ABCA4: variants seen among roughly 807,000 people sequenced by gnomAD.
The protein encoded by ABCA4 is retinal-specific phospholipid-transporting ATPase ABCA4.
Under a neutral mutation model 263.7 loss-of-function variants are expected in ABCA4, and 196 were observed. The observed-to-expected ratio is 0.74, with a 90% CI of 0.66 to 0.84. ABCA4 has a LOEUF of 0.84. ABCA4 is among the 40% of genes least tolerant of loss of function. The probability of loss-of-function intolerance (pLI) is 0.00; values close to 1 mark genes in which losing one functional copy is unlikely to be tolerated. For missense variants in ABCA4, 2,792 were observed against 2,855.1 expected (o/e 0.98, Z 0.50); for synonymous variants, 1,133 against 1,094.2 (o/e 1.04, Z -0.70).
chr1:94,051,757 C>T (rs754635210), intron 16 of ABCA4, 59 bp from the exon 17 acceptor site: 30 of 1,293,746 alleles, frequency 2.3e-5, no homozygotes, highest in Admixed American at 6.8e-5. Flanking sequence ...CCTACCTTAC[C>T]GCAGTTCTAT....
At chr1:94,002,168 G>T (rs184410095) in intron 44 of ABCA4, among the ~76,000 whole-genome samples, 176 bp from the exon 45 acceptor site, 12 of 152,302 alleles carry the variant, frequency 7.9e-5, no homozygotes, top group African/African-American at 2.9e-4. Context: ...CCAGACAGGG[G>T]CTCTTTCTCT....
At chr1:94,002,554 GA>G (rs1220624939) in intron 44 of ABCA4, among the ~76,000 whole-genome samples, 3 of 152,214 alleles carry the variant, frequency 2.0e-5, no homozygotes, top group Non-Finnish European at 4.4e-5. Context: ...TGCTGTGAGG[GA>G]ACGATGACAG....
chr1:94,097,469 T>C (rs1395623487), intron 6 of ABCA4, among the ~76,000 whole-genome samples: 3 of 152,176 alleles, frequency 2.0e-5, no homozygotes, highest in Admixed American at 2.0e-4. Flanking sequence ...AAGTTCTTAG[T>C]GACTGACATT....
chr1:94,008,638 T>C, intron 41 of ABCA4, 113 bp downstream of exon 41: 1 of 1,473,184 alleles, frequency 6.8e-7, no homozygotes, highest in Non-Finnish European at 9.5e-7. Context: ...TACATAAAAC[T>C]GGGAACCAAA....
At chr1:94,028,948 AT>A (rs1257666066) in intron 30 of ABCA4, among the ~76,000 whole-genome samples, 1 of 146,690 alleles carries the variant, frequency 6.8e-6, no homozygotes, top group Non-Finnish European at 1.5e-5. Context: ...AAACAATGGG[AT>A]AATATACAGA....
intron 1 of ABCA4, among the ~76,000 whole-genome samples, chr1:94,114,167 C>T (rs1325952972): frequency 6.6e-6 from 1 of 152,166 alleles, no homozygotes; most frequent in Admixed American, 6.5e-5. Flanking sequence ...TGTAAATAGG[C>T]TCTCAGCAAA....
intron 11 of ABCA4, among the ~76,000 whole-genome samples, chr1:94,076,007 T>C (rs182061651): frequency 2.6e-5 from 4 of 152,236 alleles, no homozygotes; most frequent in Non-Finnish European, 5.9e-5. Flanking sequence ...AAGAGCTGAG[T>C]GCTGAGTCTC....
Position 94,032,033 on chromosome 1 carries a change from C to T in ABCA4, c.3873G>A (p.Gln1291=), listed in dbSNP as rs1660220880. ...GGGGGTTGACGTTTTCTCTTTTCTG[C>T]TGAGCGCCACCTGTTTTGAGAGATT... The part of the protein sequence containing the change: ...DSGPLFAGGA[Q]QKRENVNPRH... The change falls in exon 27 of 50, where the codon CAG becomes CAA. Residue 1291 remains glutamine, a synonymous_variant. Coordinates refer to ENST00000370225, the MANE Select transcript of ABCA4 (RefSeq NM_000350.3). The T allele has an allele frequency of 6.2e-7, 1 of 1,611,394 alleles. No homozygotes were observed. Among genetic ancestry groups the T allele is most frequent in the Non-Finnish European group, 8.5e-7 (1 of 1,180,004 alleles).
At position 94,062,636 on chromosome 1, in the gene ABCA4, C is replaced by T. The variant is rs61754023; in HGVS notation, c.1878G>A (p.Ala626=). Residue 626 remains alanine, a synonymous_variant, in exon 13 of 50, where the codon GCG becomes GCA. Coordinates refer to ENST00000370225, the MANE Select transcript of ABCA4 (RefSeq NM_000350.3). ...GGAGGTAGATTCCAACTGGAGCCTC[C>T]GCCTGCACCTGGCTCCTTGTGATCC... The part of the protein sequence containing the change: ...EQGITRSQVQ[A]EAPVGIYLQQ... The T allele has an allele frequency of 6.1e-4, 983 of 1,614,168 alleles. 3 individuals carry two copies. In the African/African-American group the frequency reaches 0.011, roughly 18 times the overall value.
At chr1:94,073,090 G>T (rs1349511956) in intron 11 of ABCA4, among the ~76,000 whole-genome samples, 1 of 152,098 alleles carries the variant, frequency 6.6e-6, no homozygotes, top group Non-Finnish European at 1.5e-5. Flanking sequence ...TGGCCTCTCT[G>T]CTACTAAGCC....
chr1:94,077,706 A>C lies in ABCA4; in HGVS notation c.1538T>G (p.Val513Gly), dbSNP rs750393418. The change falls in exon 11 of 50, where the codon GTC becomes GGC. Residue 513 changes from valine to glycine, a missense_variant. Physicochemically the swap from Val to Gly is moderately radical, Grantham distance 109. Coordinates refer to ENST00000370225, the MANE Select transcript of ABCA4 (RefSeq NM_000350.3). ...FNITDRTLRLVNQYLECLVLD... is the reference protein window; with the variant it reads ...FNITDRTLRLGNQYLECLVLD... ...GCCCCTTACCTCCAGGTATTGATTG[A>C]CCAGGCGGAGGGTGCGATCAGTGAT... 1 of 1,612,716 alleles carries C rather than the reference A, an allele frequency of 6.2e-7. No individual in the cohort carries two copies. Among genetic ancestry groups the C allele is most frequent in the East Asian group, 2.2e-5 (1 of 44,846 alleles).
At chr1:94,090,729 T>G (rs905571498) in intron 6 of ABCA4, among the ~76,000 whole-genome samples, 5 of 152,180 alleles carry the variant, frequency 3.3e-5, no homozygotes, top group African/African-American at 1.2e-4. Context: ...TAGGAATAGG[T>G]TTTATTTTGT....
intron 20 of ABCA4, among the ~76,000 whole-genome samples, chr1:94,044,037 CCTTCCTTCTCCCCTCCCTCCCTCCCTCG>C (rs1660596309): frequency 3.3e-5 from 5 of 150,742 alleles, no homozygotes; most frequent in East Asian, 1.9e-4. Context: ...CCTCCTGTTC[CCTTCCTTCTCCCCTCCCTCCCTCCCTCG>C]CTTCCTTCTC....
chr1:94,103,279 C>G, intron 4 of ABCA4, 137 bp from the exon 5 acceptor site: 1 of 1,130,854 alleles, frequency 8.8e-7, no homozygotes, highest in East Asian at 2.5e-5. Context: ...CTGGGAGCCC[C>G]TAGAGGTGAG....
At chr1:93,998,713 A>ATCTAT (rs1659082789) in intron 47 of ABCA4, among the ~76,000 whole-genome samples, 1 of 133,634 alleles carries the variant, frequency 7.5e-6, no homozygotes, top group African/African-American at 2.9e-5. Flanking sequence ...ATTTTATTTT[A>ATCTAT]TTTATTTTAT....
In ABCA4 at chr1:93,993,244, T is replaced by G. The variant is rs1658918693; in HGVS notation, c.6817-2A>C. 19 of 1,613,906 alleles carry G rather than the reference T, an allele frequency of 1.2e-5. No homozygotes were observed. Among genetic ancestry groups the G allele is most frequent in the Non-Finnish European group, 1.4e-5 (17 of 1,179,830 alleles). ...AACGAGCGGTGTGAAAGATCAGTCC[T>G]GTGGAAGGAGATCACATGGACTCGC... On this transcript the variant is annotated splice_acceptor_variant, in intron 49 of 49. Transcript: ENST00000370225. LOFTEE classifies it high-confidence loss of function.
At position 94,010,809 on chromosome 1, in the gene ABCA4, A is replaced by AG; in HGVS notation, c.5704dup (p.Leu1902ProfsTer10). On this transcript the variant is annotated frameshift_variant, in exon 40 of 50. Transcript: ENST00000370225. LOFTEE classifies it high-confidence loss of function. ...TGTGGCATGGACGTACCATTGGGAG[A>AG]GGAAGAAGTGGCGCTGGACCAGCAG... 1 of 1,614,084 alleles carries AG rather than the reference A, an allele frequency of 6.2e-7. No individual in the cohort carries two copies. Among genetic ancestry groups the AG allele is most frequent in the Non-Finnish European group, 8.5e-7 (1 of 1,180,014 alleles).
chr1:94,000,628 G>A (rs1659147391), intron 47 of ABCA4, among the ~76,000 whole-genome samples: 1 of 152,198 alleles, frequency 6.6e-6, no homozygotes, highest in Non-Finnish European at 1.5e-5. Flanking sequence ...GCGAGTCTTC[G>A]ACCACAGGAA....
At chr1:93,999,227 G>A (rs1248872320) in intron 47 of ABCA4, among the ~76,000 whole-genome samples, 1 of 151,836 alleles carries the variant, frequency 6.6e-6, no homozygotes, top group Non-Finnish European at 1.5e-5. Flanking sequence ...TGTATTTTTA[G>A]TAGAGACAGG....
Sources: gnomAD v4.1 joint callset for allele counts (sites outside exome capture counted in the v4.1 genomes callset) on GRCh38, gnomAD v4.1.1 for gene constraint, MANE v1.5 for transcripts, NCBI Gene and HGNC (gene_info 2026-07-23, HGNC 2026-07-21) for gene names.